RYR2: variants seen among roughly 807,000 people sequenced by gnomAD.
RYR2 encodes the protein cardiac muscle ryanodine receptor-calcium release channel.
A neutral mutation model predicts 601.1 loss-of-function variants in RYR2; 227 were observed. The ratio of observed to expected loss-of-function variants is 0.38; its 90% CI spans 0.34 to 0.42. The LOEUF (loss-of-function observed/expected upper bound fraction) is 0.42, where lower values mean the gene tolerates loss of function less well. Ranked by LOEUF, RYR2 falls within the 10% of genes least tolerant of loss-of-function variation. The pLI is 1.00. For synonymous variants in RYR2, 2,223 were observed against 2,175.1 expected, an observed-to-expected ratio of 1.02 and a Z score of -0.61; for missense variants, 4,646 against 6,156.5, an observed-to-expected ratio of 0.75 and a Z score of 8.21.
intron 1 of RYR2, among the ~76,000 whole-genome samples, chr1:237,084,553 G>A (rs909007731): frequency 3.9e-5 from 6 of 152,100 alleles, no homozygotes; most frequent in Admixed American, 3.3e-4. Context: ...CAAGCGTTTT[G>A]GGTAACAGAT....
At chr1:237,709,322 G>GT (rs1688633123) in intron 69 of RYR2, among the ~76,000 whole-genome samples, 158 bp from the exon 70 acceptor site, 1 of 151,984 alleles carries the variant, frequency 6.6e-6, no homozygotes, top group Non-Finnish European at 1.5e-5. Flanking sequence ...CAGTTTGACA[G>GT]TTATGATGTT....
At chr1:237,799,908 T>C (rs1659747321) in intron 97 of RYR2, 1 of 152,192 alleles carries the variant, frequency 6.6e-6, no homozygotes, top group Non-Finnish European at 1.5e-5. Context: ...TCTCAAAACA[T>C]CTCCAAAACT....
At chr1:237,309,787 A>G (rs1033322169) in intron 2 of RYR2, among the ~76,000 whole-genome samples, 8 of 152,152 alleles carry the variant, frequency 5.3e-5, no homozygotes, top group African/African-American at 1.9e-4. Flanking sequence ...GAGGCAGCTG[A>G]GGCCCGGCGA....
intron 8 of RYR2, among the ~76,000 whole-genome samples, chr1:237,379,111 G>A (rs1429652351): frequency 6.6e-6 from 1 of 152,176 alleles, no homozygotes; most frequent in East Asian, 1.9e-4. Context: ...ATTTTGAATT[G>A]TAGTTGTACC....
At chr1:237,697,435 A>G (rs1223014248) in intron 63 of RYR2, among the ~76,000 whole-genome samples, 1 of 142,420 alleles carries the variant, frequency 7.0e-6, no homozygotes, top group African/African-American at 2.6e-5. Context: ...TAATTATATA[A>G]TATATATTTA....
At chr1:237,329,980 T>C (rs1364991071) in intron 2 of RYR2, among the ~76,000 whole-genome samples, 1 of 152,230 alleles carries the variant, frequency 6.6e-6, no homozygotes, top group Non-Finnish European at 1.5e-5. Context: ...AAGTAATCGC[T>C]ACTTTGTGGA....
rs1322016202 is a variant in RYR2 at position 237,742,291 on chromosome 1, T to C, written c.11092-5T>C. 2.0e-6 allele frequency: 3 copies of C among 1,497,430 alleles called. No individual in the cohort carries two copies. Among genetic ancestry groups the C allele is most frequent in the African/African-American group, 1.4e-5 (1 of 71,346 alleles). 92.8% of individuals were successfully genotyped at this position (1,497,430 alleles called of 1,614,324 possible). A position where few individuals can be genotyped will look rare whatever the true frequency, so the allele number is the denominator to read the frequency against. ...TCTCCTTTTTTTTTTTTTTTAAATA[T>C]ACAGAGTTGTCATGATGAGGAAGAT... On this transcript the variant is annotated splice_region_variant and splice_polypyrimidine_tract_variant and intron_variant, in intron 79 of 104. Transcript: ENST00000366574.
intron 3 of RYR2, among the ~76,000 whole-genome samples, chr1:237,348,180 A>AG (rs1179595866): frequency 6.6e-6 from 1 of 152,138 alleles, no homozygotes; most frequent in Non-Finnish European, 1.5e-5. Context: ...ATTACGAGAC[A>AG]GGGTCTCATT....
intron 28 of RYR2, among the ~76,000 whole-genome samples, chr1:237,567,588 TCAAAA>T (rs1356752016): frequency 6.6e-6 from 1 of 151,850 alleles, no homozygotes; most frequent in African/African-American, 2.4e-5. Flanking sequence ...AGACCTTGTC[TCAAAA>T]CAAACAAAAA....
In RYR2 at chr1:237,066,288, A is replaced by G. The variant is rs1395756277; in HGVS notation, c.48+23719A>G. Among the ~76,000 whole-genome samples the G allele has an allele frequency of 7.9e-5, 12 of 152,244 alleles. No individual in the cohort carries two copies. The East Asian group carries it at 2.1e-3, about 27-fold the overall frequency. On this transcript the variant is annotated intron_variant, in intron 1 of 104. Coordinates refer to ENST00000366574, the MANE Select transcript of RYR2 (RefSeq NM_001035.3). ...TTTGGCTATTACAATGAAAATGGCTATGAATAATCTTATACAGGCATTTAT... is the reference window on the plus strand; with the variant it reads ...TTTGGCTATTACAATGAAAATGGCTGTGAATAATCTTATACAGGCATTTAT...
intron 12 of RYR2, among the ~76,000 whole-genome samples, chr1:237,440,640 C>T (rs539271681): frequency 6.6e-6 from 1 of 152,218 alleles, no homozygotes; most frequent in African/African-American, 2.4e-5. Flanking sequence ...GTGAATACCT[C>T]TGTAGTCTGA....
At chr1:237,155,697 G>A (rs114983968) in intron 1 of RYR2, among the ~76,000 whole-genome samples, 2,939 of 152,174 alleles carry the variant, frequency 0.019, 108 homozygotes, top group African/African-American at 0.067. Flanking sequence ...ATGATCCTTT[G>A]ATCATTAAAT....
intron 27 of RYR2, among the ~76,000 whole-genome samples, chr1:237,554,759 T>C (rs1268224417): frequency 2.0e-5 from 3 of 152,062 alleles, no homozygotes; most frequent in Non-Finnish European, 4.4e-5. Context: ...TTGCCATATA[T>C]AGGCATAAAA....
chr1:237,698,840 T>G (rs1159191512), intron 63 of RYR2, 125 bp from the exon 64 acceptor site: 4 of 557,694 alleles, frequency 7.2e-6, no homozygotes, highest in Non-Finnish European at 1.3e-5. Context: ...ACTTGATTAT[T>G]AAAAAACCTT....
chr1:237,638,291 T>G, intron 44 of RYR2, 66 bp from the exon 45 acceptor site: 1 of 1,602,128 alleles, frequency 6.2e-7, no homozygotes, highest in Non-Finnish European at 8.5e-7. Context: ...ATTTATTGTA[T>G]CCAATGTAAG....
chr1:237,332,827 AG>A (rs1287146293), intron 3 of RYR2, among the ~76,000 whole-genome samples: 1 of 152,174 alleles, frequency 6.6e-6, no homozygotes, highest in Non-Finnish European at 1.5e-5. Context: ...AAATATAGGA[AG>A]TAATTTGAAA....
At chr1:237,248,253 T>C (rs792561) in intron 1 of RYR2, among the ~76,000 whole-genome samples, 88,073 of 91,390 alleles carry the variant, frequency 0.96, 42,641 homozygotes, top group Non-Finnish European at 1. Context: ...GCCTTGACAA[T>C]AGAGCAAGAC....
At position 237,401,067 on chromosome 1, in the gene RYR2, G is replaced by T. The variant is rs141871872; in HGVS notation, c.773+12884G>T. ...GACCCAGCATCAAATAATATTAATT[G>T]CCATTTGGGATTTGCCATAAGACAA... On this transcript the variant is annotated intron_variant, in intron 10 of 104. Coordinates refer to ENST00000366574, the MANE Select transcript of RYR2 (RefSeq NM_001035.3). Among the ~76,000 whole-genome samples the T allele has an allele frequency of 7.2e-3, 1,091 of 152,262 alleles. 17 individuals are homozygous for T. Among genetic ancestry groups the T allele is most frequent in the African/African-American group, 0.025 (1,041 of 41,532 alleles).
intron 29 of RYR2, among the ~76,000 whole-genome samples, chr1:237,572,991 T>C (rs1041121849): frequency 1.3e-5 from 2 of 152,216 alleles, no homozygotes; most frequent in African/African-American, 4.8e-5. Context: ...TAGGGTTTTC[T>C]AGCACAGAAA....
Sources: gnomAD v4.1 joint callset for allele counts (sites outside exome capture counted in the v4.1 genomes callset) on GRCh38, gnomAD v4.1.1 for gene constraint, MANE v1.5 for transcripts, NCBI Gene and HGNC (gene_info 2026-07-23, HGNC 2026-07-21) for gene names.